Variants in SH3RF2 observed in about 807,000 individuals in gnomAD.
SH3RF2 encodes E3 ubiquitin-protein ligase SH3RF2.
In SH3RF2, 43 loss-of-function variants were observed where a neutral mutation model predicts 59.0. The ratio of observed to expected loss-of-function variants is 0.73; its 90% confidence interval spans 0.57 to 0.94. The LOEUF (loss-of-function observed/expected upper bound fraction) is 0.94, where lower values mean the gene tolerates loss of function less well. Among genes scored for constraint, SH3RF2 ranks in the 40% least tolerant of loss-of-function variants. The probability of loss-of-function intolerance (pLI) is 0.00; values close to 1 mark genes in which losing one functional copy is unlikely to be tolerated. For synonymous variants in SH3RF2, 391 were observed against 391.5 expected, an observed-to-expected ratio of 1.00 and a Z score of 0.01; for missense variants, 930 against 940.1, an observed-to-expected ratio of 0.99 and a Z score of 0.14.
chr5:146,009,634 A>G (rs979978569), intron 4 of SH3RF2, among the ~76,000 whole-genome samples: 4 of 152,096 alleles, frequency 2.6e-5, no homozygotes, highest in Non-Finnish European at 4.4e-5. Flanking sequence ...ACTTATAACT[A>G]TATGATGTTT....
In SH3RF2 at chr5:146,014,077, C is replaced by A; in HGVS notation, c.1059+16C>A. 6.2e-7 allele frequency: 1 copy of A among 1,609,828 alleles called. No homozygotes were observed. The highest frequency in any genetic ancestry group is 8.5e-7 in the Non-Finnish European group (1 of 1,179,058). On this transcript the variant is annotated intron_variant, in intron 5 of 9. Coordinates refer to ENST00000359120, the MANE Select transcript of SH3RF2 (RefSeq NM_152550.4). Reference sequence around the variant, plus strand: ...TGTGGGACAGGTAGGGAAGAAACGCCTGGGATGAGGGCACTTTGGAGTTGG... The same window carrying A: ...TGTGGGACAGGTAGGGAAGAAACGCATGGGATGAGGGCACTTTGGAGTTGG...
chr5:145,972,296 G>A (rs771262499), intron 2 of SH3RF2, among the ~76,000 whole-genome samples: 3 of 152,172 alleles, frequency 2.0e-5, no homozygotes, highest in Non-Finnish European at 2.9e-5. Context: ...AGGTGAAGAG[G>A]ATGGGGAATA....
At chr5:146,025,577 C>G (rs1254352870) in intron 5 of SH3RF2, among the ~76,000 whole-genome samples, 1 of 152,170 alleles carries the variant, frequency 6.6e-6, no homozygotes, top group Non-Finnish European at 1.5e-5. Context: ...GTTTTATTTT[C>G]CTGTGTTCTG....
exon 10 of SH3RF2, chr5:146,078,577 C>T (rs577409219): frequency 3.5e-4 from 54 of 152,268 alleles, no homozygotes; most frequent in African/African-American, 1.2e-3. Context: ...CATGATATTC[C>T]TTGAACATCA....
intron 3 of SH3RF2, among the ~76,000 whole-genome samples, chr5:146,001,106 C>T (rs1210840991): frequency 6.6e-6 from 1 of 152,176 alleles, no homozygotes; most frequent in African/African-American, 2.4e-5. Flanking sequence ...ACATTAATTA[C>T]CCTAAGATTT....
chr5:146,007,767 T>A (rs1308436049), intron 4 of SH3RF2, among the ~76,000 whole-genome samples: 1 of 152,230 alleles, frequency 6.6e-6, no homozygotes, highest in African/African-American at 2.4e-5. Flanking sequence ...CAGTGCTTCA[T>A]TTGTTCTCCT....
chr5:145,999,263 A>T (rs1760296401), intron 2 of SH3RF2, among the ~76,000 whole-genome samples: 1 of 152,206 alleles, frequency 6.6e-6, no homozygotes, highest in Non-Finnish European at 1.5e-5. Flanking sequence ...GATCTTGATT[A>T]GGCTTTGGCT....
downstream of SH3RF2, among the ~76,000 whole-genome samples, chr5:146,065,938 G>A (rs997988140): frequency 6.6e-6 from 1 of 152,190 alleles, no homozygotes; most frequent in Non-Finnish European, 1.5e-5. Flanking sequence ...TTACAGGCGT[G>A]AGCCACCACA....
intron 2 of SH3RF2, among the ~76,000 whole-genome samples, chr5:145,942,253 G>A (rs868827923): frequency 5.9e-5 from 9 of 152,104 alleles, no homozygotes; most frequent in South Asian, 2.1e-4. Flanking sequence ...TTTATCTTTC[G>A]TTTTTTCCTG....
At chr5:146,003,102 A>G (rs1288515239) in intron 3 of SH3RF2, among the ~76,000 whole-genome samples, 1 of 152,250 alleles carries the variant, frequency 6.6e-6, no homozygotes, top group Non-Finnish European at 1.5e-5. Flanking sequence ...GGATGAATAT[A>G]CAGGTTGAAC....
At chr5:145,997,045 G>T (rs1760189579) in intron 2 of SH3RF2, among the ~76,000 whole-genome samples, 1 of 152,170 alleles carries the variant, frequency 6.6e-6, no homozygotes, top group Non-Finnish European at 1.5e-5. Flanking sequence ...AGACATGGCG[G>T]TCATCAGGGT....
intron 5 of SH3RF2, among the ~76,000 whole-genome samples, chr5:146,020,897 C>T (rs913184442): frequency 6.6e-6 from 1 of 152,126 alleles, no homozygotes; most frequent in African/African-American, 2.4e-5. Context: ...CAAGTCCAAG[C>T]ATCTTTCCTG....
intron 2 of SH3RF2, among the ~76,000 whole-genome samples, chr5:145,996,911 T>A (rs1760179825): frequency 6.6e-6 from 1 of 152,156 alleles, no homozygotes; most frequent in Non-Finnish European, 1.5e-5. Flanking sequence ...TGCGTGTCTA[T>A]CTCCAAGGGC....
chr5:146,062,854 A>T lies in SH3RF2; in HGVS notation c.*153A>T. 1 of 1,041,844 alleles carries T rather than the reference A, an allele frequency of 9.6e-7. No homozygotes were observed. Among genetic ancestry groups the T allele is most frequent in the Non-Finnish European group, 1.4e-6 (1 of 739,224 alleles). The allele number at this position is 1,041,844 out of a possible 1,614,324, so 64.5% of individuals were successfully genotyped here. A position where few individuals can be genotyped will look rare whatever the true frequency, so the allele number is the denominator to read the frequency against. ...CCAGGAAAGCAAAAGTGGGAGCAGA[A>T]ATTCCTGCCCTGGGTGGGAGGATAG... On this transcript the variant is annotated 3_prime_UTR_variant, in exon 10 of 10. Transcript: ENST00000359120.
chr5:146,028,911 G>A (rs915846768), intron 5 of SH3RF2, among the ~76,000 whole-genome samples: 3 of 152,308 alleles, frequency 2.0e-5, no homozygotes, highest in Admixed American at 6.5e-5. Flanking sequence ...ACACGAACGC[G>A]CTCCTAGCTG....
chr5:145,986,495 G>A (rs548210374), intron 2 of SH3RF2, among the ~76,000 whole-genome samples: 6 of 152,194 alleles, frequency 3.9e-5, no homozygotes, highest in African/African-American at 9.7e-5. Flanking sequence ...CTCCCAGGCC[G>A]AATGAGATGG....
intron 5 of SH3RF2, among the ~76,000 whole-genome samples, chr5:146,022,023 T>C (rs1172494331): frequency 3.9e-5 from 6 of 152,226 alleles, no homozygotes; most frequent in Non-Finnish European, 2.9e-5. Context: ...GCTGGATTGC[T>C]CTTCAATCCC....
intron 2 of SH3RF2, among the ~76,000 whole-genome samples, chr5:145,980,403 A>C (rs1020774686): frequency 6.6e-6 from 1 of 152,170 alleles, no homozygotes; most frequent in Admixed American, 6.5e-5. Context: ...TAGATCATGA[A>C]TCTTTCCCAT....
chr5:145,961,377 T>A (rs1222900535), intron 2 of SH3RF2, among the ~76,000 whole-genome samples: 1 of 152,188 alleles, frequency 6.6e-6, no homozygotes, highest in Non-Finnish European at 1.5e-5. Flanking sequence ...TAAGAACCAC[T>A]GTTTCTTTCT....
Sources: allele counts gnomAD v4.1 joint callset (sites outside exome capture counted in the v4.1 genomes callset), GRCh38; gene constraint gnomAD v4.1.1; transcripts MANE v1.5; gene names NCBI Gene and HGNC (gene_info 2026-07-23, HGNC 2026-07-21).